Variants in PLCH1 observed in about 807,000 individuals in gnomAD.
The protein encoded by PLCH1 is phospholipase C eta 1, also known as 1-phosphatidylinositol 4,5-bisphosphate phosphodiesterase eta-1.
A neutral mutation model predicts 126.7 loss-of-function variants in PLCH1; 60 were observed. That is an observed-to-expected ratio of 0.47 (90% confidence interval 0.38 to 0.59). The LOEUF is 0.59. PLCH1 is among the 20% of genes least tolerant of loss of function. PLCH1 has a pLI of 0.00. For synonymous variants in PLCH1, 719 were observed against 734.9 expected (o/e 0.98, Z 0.35); for missense variants, 1,723 against 2,040.0 (o/e 0.84, Z 2.99).
intron 2 of PLCH1, among the ~76,000 whole-genome samples, chr3:155,627,215 T>C (rs12486000): frequency 0.13 from 20,131 of 152,232 alleles, 2,033 homozygotes; most frequent in East Asian, 0.43. Context: ...ATTTTGACCT[T>C]GCAAGCATAA....
intron 21 of PLCH1, among the ~76,000 whole-genome samples, chr3:155,466,842 C>T (rs1030425284): frequency 1.3e-5 from 2 of 152,044 alleles, no homozygotes; most frequent in Non-Finnish European, 2.9e-5. Flanking sequence ...CTGAAAAATG[C>T]AATTGACATA....
chr3:155,659,283 G>A (rs1372317302), intron 2 of PLCH1, among the ~76,000 whole-genome samples: 1 of 132,874 alleles, frequency 7.5e-6, no homozygotes, highest in African/African-American at 2.8e-5. Flanking sequence ...CAGGCCAGGC[G>A]TGAGATGTCT....
In PLCH1 at chr3:155,494,258, T is replaced by C. The variant is rs1289883201; in HGVS notation, c.2075-10A>G. On this transcript the variant is annotated splice_polypyrimidine_tract_variant and intron_variant, in intron 16 of 22. Coordinates refer to ENST00000460012, the MANE Select transcript of PLCH1 (RefSeq NM_014996.4). ...TGATAATTCAGTGCCACTGTGCAAG[T>C]TGAAAGTGGGAGAGAATTAGGCAAG... 1.2e-6 allele frequency: 2 copies of C among 1,613,222 alleles called. No homozygotes were observed. The highest frequency in any genetic ancestry group is 1.7e-6 in the Non-Finnish European group (2 of 1,179,224).
At chr3:155,592,174 TAAAA>T (rs11329108) in intron 4 of PLCH1, among the ~76,000 whole-genome samples, 3 of 129,302 alleles carry the variant, frequency 2.3e-5, no homozygotes, top group Non-Finnish European at 4.9e-5. Context: ...TTTTCTCTTT[TAAAA>T]AAAAAAAAAA....
intron 1 of PLCH1, among the ~76,000 whole-genome samples, chr3:155,744,221 C>T (rs975405985): frequency 1.1e-4 from 17 of 152,198 alleles, no homozygotes; most frequent in Non-Finnish European, 1.0e-4. Context: ...GCCGCGCAGG[C>T]GCAGAGCGTG....
Position 155,704,140 on chromosome 3 carries a change from G to A in PLCH1, c.79+6C>T, listed in dbSNP as rs1157710307. ...TCCAACTACATAAATACAAGAGACA[G>A]CTTACCATGAAACACACTGTTGTCC... On this transcript the variant is annotated splice_donor_region_variant and intron_variant, in intron 2 of 22. Coordinates refer to ENST00000460012, the MANE Select transcript of PLCH1 (RefSeq NM_014996.4). 8.4e-7 allele frequency: 1 copy of A among 1,189,158 alleles called. No homozygotes were observed. Among genetic ancestry groups the A allele is most frequent in the East Asian group, 3.2e-5 (1 of 31,508 alleles). 73.7% of individuals were successfully genotyped at this position (1,189,158 alleles called of 1,614,324 possible).
Position 155,482,456 on chromosome 3 carries a change from G to A in PLCH1, c.3570C>T (p.Ala1190=). The A allele has an allele frequency of 2.5e-6, 4 of 1,614,132 alleles. No homozygotes were observed. The highest frequency in any genetic ancestry group is 3.4e-6 in the Non-Finnish European group (4 of 1,180,006). The part of the protein sequence containing the change: ...NENEPGSSIS[A]LIGQFDETNN... ...TGGTCTCATCAAACTGGCCAATCAGGGCTGAGATGGAACTGCCCGGCTCAT... is the reference window on the plus strand; with the variant it reads ...TGGTCTCATCAAACTGGCCAATCAGAGCTGAGATGGAACTGCCCGGCTCAT... Residue 1190 remains alanine, a synonymous_variant, in exon 23 of 23, where the codon GCC becomes GCT. Transcript: ENST00000460012.
intron 1 of PLCH1, among the ~76,000 whole-genome samples, chr3:155,741,682 C>CTTTTTTTTTTTT (rs1491132149): frequency 2.4e-5 from 2 of 83,088 alleles, no homozygotes; most frequent in East Asian, 3.9e-4. Context: ...ATTTTATATC[C>CTTTTTTTTTTTT]TCTTTTTTTT....
intron 12 of PLCH1, among the ~76,000 whole-genome samples, chr3:155,505,968 C>T (rs1011809237): frequency 7.3e-5 from 11 of 151,342 alleles, no homozygotes; most frequent in African/African-American, 2.7e-4. Context: ...GGGACTATGC[C>T]ATTTATTATC....
chr3:155,676,102 C>T, intron 2 of PLCH1: 1 of 1,432,622 alleles, frequency 7.0e-7, no homozygotes, highest in South Asian at 1.6e-5. Flanking sequence ...AAGGCAAAGC[C>T]TTTTCCTGAT....
intron 2 of PLCH1, among the ~76,000 whole-genome samples, chr3:155,668,572 G>A (rs1354387512): frequency 6.6e-6 from 1 of 152,106 alleles, no homozygotes; most frequent in Non-Finnish European, 1.5e-5. Context: ...AATAGGAGAG[G>A]GTGAGGGTTC....
At chr3:155,615,764 G>C (rs368720094) in intron 2 of PLCH1, among the ~76,000 whole-genome samples, 1 of 152,102 alleles carries the variant, frequency 6.6e-6, no homozygotes, top group East Asian at 1.9e-4. Flanking sequence ...GGGGACTCAG[G>C]GGGAGGGTTG....
chr3:155,552,889 T>C (rs915923811), intron 9 of PLCH1, among the ~76,000 whole-genome samples: 10 of 152,176 alleles, frequency 6.6e-5, no homozygotes, highest in Admixed American at 5.2e-4. Context: ...TTGCCAAGAA[T>C]TGGTTGAGTC....
intron 21 of PLCH1, among the ~76,000 whole-genome samples, chr3:155,466,125 G>A (rs2107977535): frequency 6.6e-6 from 1 of 152,332 alleles, no homozygotes; most frequent in South Asian, 2.1e-4. Context: ...TAGAGCCCCA[G>A]GGCCTTCAGC....
intron 12 of PLCH1, among the ~76,000 whole-genome samples, chr3:155,505,907 T>A (rs78624736): frequency 8.6e-5 from 13 of 151,690 alleles, no homozygotes; most frequent in Non-Finnish European, 8.8e-5. Flanking sequence ...TTTTTTTTTT[T>A]AATCTGTGAA....
At chr3:155,583,728 G>C in intron 5 of PLCH1, 86 bp from the exon 6 acceptor site, 1 of 910,036 alleles carries the variant, frequency 1.1e-6, no homozygotes, top group Non-Finnish European at 1.6e-6. Flanking sequence ...CTATAAAAGA[G>C]CTAGTACACA....
intron 2 of PLCH1, among the ~76,000 whole-genome samples, chr3:155,694,424 T>C (rs1745649224): frequency 6.6e-6 from 1 of 152,344 alleles, no homozygotes; most frequent in African/African-American, 2.4e-5. Context: ...TCTCCACATC[T>C]AGAGATGATA....
chr3:155,512,178 C>A (rs1719665855), intron 12 of PLCH1, among the ~76,000 whole-genome samples: 1 of 152,032 alleles, frequency 6.6e-6, no homozygotes, highest in Admixed American at 6.5e-5. Flanking sequence ...CTTGCGCTTC[C>A]CAGGTGAGGC....
chr3:155,609,910 C>T (rs1166255362), intron 2 of PLCH1, among the ~76,000 whole-genome samples: 1 of 151,884 alleles, frequency 6.6e-6, no homozygotes, highest in Non-Finnish European at 1.5e-5. Flanking sequence ...AAATGACTAA[C>T]CCTAAGAATA....
Sources: gnomAD v4.1 joint callset for allele counts (sites outside exome capture counted in the v4.1 genomes callset) on GRCh38, gnomAD v4.1.1 for gene constraint, MANE v1.5 for transcripts, NCBI Gene and HGNC (gene_info 2026-07-23, HGNC 2026-07-21) for gene names.